SDCCAG8: variants seen among roughly 807,000 people sequenced by gnomAD.
The protein encoded by SDCCAG8 is SHH signaling and ciliogenesis regulator SDCCAG8, also known as serologically defined colon cancer antigen 8.
Under a neutral mutation model 101.8 loss-of-function variants are expected in SDCCAG8, and 74 were observed. That is an observed-to-expected ratio of 0.73 (90% CI 0.60 to 0.88). SDCCAG8 has a LOEUF of 0.88. Ranked by LOEUF, SDCCAG8 falls within the 40% of genes least tolerant of loss-of-function variation. SDCCAG8 has a pLI of 0.00. For missense variants in SDCCAG8, 787 were observed against 822.6 expected (o/e 0.96, Z 0.53); for synonymous variants, 281 against 292.9 (o/e 0.96, Z 0.41).
chr1:243,295,266 C>G (rs1266904116), intron 6 of SDCCAG8, among the ~76,000 whole-genome samples: 2 of 152,128 alleles, frequency 1.3e-5, no homozygotes, highest in Non-Finnish European at 2.9e-5. Flanking sequence ...GAGACAGAGT[C>G]TTGCTCTGTC....
rs953706678 is a variant in SDCCAG8 at position 243,312,764 on chromosome 1, G to T, written c.930-3991G>T. On this transcript the variant is annotated intron_variant, in intron 8 of 17. Coordinates refer to ENST00000366541, the MANE Select transcript of SDCCAG8 (RefSeq NM_006642.5). Reference sequence around the variant, plus strand: ...AGTTGACAAGGAGGGGATCAGGCATGACTTGGAGACCAGGCCACCCATATG... The same window carrying T: ...AGTTGACAAGGAGGGGATCAGGCATTACTTGGAGACCAGGCCACCCATATG... 1.8e-4 allele frequency among the ~76,000 whole-genome samples: 27 copies of T among 151,418 alleles called. 2 individuals carry two copies. The East Asian group carries it at 2.3e-3, about 13-fold the overall frequency.
chr1:243,475,959 G>C (rs190111222), intron 16 of SDCCAG8: 4 of 985,350 alleles, frequency 4.1e-6, no homozygotes, highest in Non-Finnish European at 4.8e-6. Flanking sequence ...GCTCCATCTC[G>C]TCTGCTGCTG....
At chr1:243,259,286 A>G (rs2067010015) in intron 1 of SDCCAG8, among the ~76,000 whole-genome samples, 1 of 151,876 alleles carries the variant, frequency 6.6e-6, no homozygotes. Context: ...GGGCGCCTGT[A>G]GTCCCAGCTA....
intron 4 of SDCCAG8, among the ~76,000 whole-genome samples, chr1:243,275,793 A>G (rs2149270269): frequency 6.6e-6 from 1 of 151,756 alleles, no homozygotes; most frequent in East Asian, 1.9e-4. Context: ...ATAAGAGAAG[A>G]AGGTTAGGAA....
chr1:243,342,342 G>A (rs1260915782), intron 11 of SDCCAG8, among the ~76,000 whole-genome samples: 2 of 152,138 alleles, frequency 1.3e-5, no homozygotes, highest in Non-Finnish European at 2.9e-5. Context: ...AGACTAAATC[G>A]CCTTGAAGTT....
At chr1:243,293,842 T>C (rs2070518564) in intron 6 of SDCCAG8, among the ~76,000 whole-genome samples, 1 of 152,230 alleles carries the variant, frequency 6.6e-6, no homozygotes. Flanking sequence ...TCATTCTTTT[T>C]TCTTTCTGCT....
At chr1:243,440,048 T>A (rs2082426305) in intron 16 of SDCCAG8, among the ~76,000 whole-genome samples, 1 of 152,186 alleles carries the variant, frequency 6.6e-6, no homozygotes, top group East Asian at 1.9e-4. Flanking sequence ...TGATATGCAG[T>A]TTCCGGAGCT....
intron 13 of SDCCAG8, among the ~76,000 whole-genome samples, chr1:243,393,022 C>T (rs72759859): frequency 6.6e-6 from 1 of 152,264 alleles, no homozygotes; most frequent in Non-Finnish European, 1.5e-5. Flanking sequence ...AAAAAGGGAA[C>T]AGATGCAGTA....
At chr1:243,355,045 C>T (rs556435457) in intron 12 of SDCCAG8, among the ~76,000 whole-genome samples, 1 of 152,272 alleles carries the variant, frequency 6.6e-6, no homozygotes, top group Non-Finnish European at 1.5e-5. Flanking sequence ...CTCTAGGCTG[C>T]TCCTGAGTGT....
chr1:243,359,340 G>A (rs545869990), intron 12 of SDCCAG8, among the ~76,000 whole-genome samples: 234 of 152,194 alleles, frequency 1.5e-3, no homozygotes, highest in African/African-American at 2.0e-3. Context: ...TAGTCATGGC[G>A]GCCTCACAGT....
At chr1:243,306,354 T>G (rs2072128542) in intron 7 of SDCCAG8, 1 of 152,132 alleles carries the variant, frequency 6.6e-6, no homozygotes, top group South Asian at 2.1e-4. Context: ...TTCTAGATCA[T>G]TGTACTTAAG....
intron 4 of SDCCAG8, among the ~76,000 whole-genome samples, chr1:243,275,765 GT>G (rs1312076178): frequency 6.7e-6 from 1 of 150,186 alleles, no homozygotes; most frequent in Non-Finnish European, 1.5e-5. Context: ...TTACTTTTTG[GT>G]ATAAGCTATA....
At chr1:243,356,097 G>A (rs960247762) in intron 12 of SDCCAG8, among the ~76,000 whole-genome samples, 1 of 152,120 alleles carries the variant, frequency 6.6e-6, no homozygotes, top group African/African-American at 2.4e-5. Flanking sequence ...TATGTGTATA[G>A]CAAATTAAGC....
At chr1:243,339,668 G>C (rs1039351007) in intron 10 of SDCCAG8, among the ~76,000 whole-genome samples, 6 of 152,000 alleles carry the variant, frequency 3.9e-5, no homozygotes, top group Middle Eastern at 3.2e-3. Flanking sequence ...ATTTTCATAG[G>C]GTCAACTTTA....
chr1:243,313,463 A>G (rs1411795053), intron 8 of SDCCAG8, among the ~76,000 whole-genome samples: 1 of 152,200 alleles, frequency 6.6e-6, no homozygotes, highest in Non-Finnish European at 1.5e-5. Flanking sequence ...CTTAAATATT[A>G]CATGCTCATT....
At chr1:243,360,039 T>G (rs1203559890) in intron 12 of SDCCAG8, among the ~76,000 whole-genome samples, 2 of 152,152 alleles carry the variant, frequency 1.3e-5, no homozygotes, top group Non-Finnish European at 2.9e-5. Flanking sequence ...TACTGAGCAT[T>G]TTTTCAGATG....
chr1:243,388,941 G>A (rs374192208), intron 13 of SDCCAG8, among the ~76,000 whole-genome samples: 98 of 143,392 alleles, frequency 6.8e-4, no homozygotes, highest in African/African-American at 2.5e-3. Flanking sequence ...GGGAAGCTAC[G>A]TGGTGGTGCG....
At chr1:243,454,881 T>C (rs34862954) in intron 16 of SDCCAG8, among the ~76,000 whole-genome samples, 20,534 of 151,998 alleles carry the variant, frequency 0.14, 1,473 homozygotes, top group Non-Finnish European at 0.15. Flanking sequence ...ACTTCCCAGA[T>C]ACGGTAGAAA....
chr1:243,349,590 G>C (rs912996685), intron 12 of SDCCAG8, among the ~76,000 whole-genome samples: 1 of 152,044 alleles, frequency 6.6e-6, no homozygotes, highest in African/African-American at 2.4e-5. Flanking sequence ...TAATAACAAT[G>C]GTTTTAGAGT....
Sources: allele counts gnomAD v4.1 joint callset (sites outside exome capture counted in the v4.1 genomes callset), GRCh38; gene constraint gnomAD v4.1.1; transcripts MANE v1.5; gene names NCBI Gene and HGNC (gene_info 2026-07-23, HGNC 2026-07-21).